The following CDYL variants were observed in gnomAD, a reference collection of about 807,000 sequenced individuals.
CDYL encodes the protein chromodomain Y-like protein.
In CDYL, 8 loss-of-function variants were observed where a neutral mutation model predicts 47.3. The ratio of observed to expected loss-of-function variants is 0.17; its 90% confidence interval spans 0.10 to 0.31. CDYL has a LOEUF of 0.31. CDYL is among the 10% of genes least tolerant of loss of function. CDYL has a pLI of 1.00. For synonymous variants in CDYL, 266 were observed against 265.0 expected, an observed-to-expected ratio of 1.00 and a Z score of -0.04; for missense variants, 471 against 701.4, an observed-to-expected ratio of 0.67 and a Z score of 3.71.
At chr6:4,815,324 G>A (rs1186734043) in intron 1 of CDYL, among the ~76,000 whole-genome samples, 1 of 152,016 alleles carries the variant, frequency 6.6e-6, no homozygotes, top group Non-Finnish European at 1.5e-5. Context: ...TTTAATTTTG[G>A]AACTTAAGAA....
intron 2 of CDYL, among the ~76,000 whole-genome samples, chr6:4,915,596 C>A (rs1757535350): frequency 6.6e-6 from 1 of 152,178 alleles, no homozygotes; most frequent in Non-Finnish European, 1.5e-5. Context: ...AGAACAGACT[C>A]TGTAGCAACC....
At chr6:4,842,676 C>T (rs562431652) in intron 1 of CDYL, among the ~76,000 whole-genome samples, 2 of 152,238 alleles carry the variant, frequency 1.3e-5, no homozygotes, top group South Asian at 4.1e-4. Flanking sequence ...TTAGGTGAGC[C>T]TCTTCACAAC....
At chr6:4,754,892 C>T (rs1328187363) in intron 3 of CDYL, among the ~76,000 whole-genome samples, 1 of 152,086 alleles carries the variant, frequency 6.6e-6, no homozygotes, top group Non-Finnish European at 1.5e-5. Flanking sequence ...GTAAGTAATA[C>T]ATGGTATGTG....
chr6:4,743,710 C>T (rs900734035), intron 3 of CDYL, among the ~76,000 whole-genome samples: 35 of 152,168 alleles, frequency 2.3e-4, no homozygotes, highest in African/African-American at 8.4e-4. Flanking sequence ...TATCATCCAA[C>T]TCATGGGTGT....
intron 1 of CDYL, among the ~76,000 whole-genome samples, chr6:4,863,117 A>G (rs1245787188): frequency 6.6e-6 from 1 of 152,194 alleles, no homozygotes; most frequent in African/African-American, 2.4e-5. Flanking sequence ...ATCAAATACC[A>G]CATTTTCACT....
At chr6:4,805,633 G>T (rs1358722102) in intron 1 of CDYL, among the ~76,000 whole-genome samples, 1 of 152,194 alleles carries the variant, frequency 6.6e-6, no homozygotes, top group Non-Finnish European at 1.5e-5. Flanking sequence ...GGGAGCCAGT[G>T]GCGTAAAGTC....
chr6:4,825,921 C>T lies in CDYL; in HGVS notation c.24+49114C>T, dbSNP rs376030661. ...TGAGACTGCCCATAACAACACACTG[C>T]CTTGTTTCAGCTGTGAGACCACCAG... On this transcript the variant is annotated intron_variant, in intron 1 of 6. Transcript: ENST00000397588. Among the ~76,000 whole-genome samples the T allele has an allele frequency of 4.6e-5, 7 of 151,738 alleles. No individual in the cohort carries two copies. The East Asian group carries it at 1.2e-3, about 25-fold the overall frequency.
chr6:4,767,100 T>C (rs1758266001), intron 3 of CDYL, among the ~76,000 whole-genome samples: 2 of 152,122 alleles, frequency 1.3e-5, no homozygotes, highest in African/African-American at 2.4e-5. Flanking sequence ...AATTTAGCCA[T>C]TTATGAAAAG....
rs369894683 is a variant in CDYL at position 4,804,987 on chromosome 6, T to G, written c.24+28180T>G. On this transcript the variant is annotated intron_variant, in intron 1 of 6. Transcript: ENST00000397588. The stretch of plus-strand genomic sequence containing the variant: ...AGAAGAAAGAGGGAGAAATTGTTCA[T>G]AGTAGCTGCATGGTTAACGGTGTTA... Among the ~76,000 whole-genome samples the G allele has an allele frequency of 3.9e-5, 6 of 152,174 alleles. No individual in the cohort carries two copies. In the East Asian group the frequency reaches 1.2e-3, roughly 29 times the overall value.
intron 2 of CDYL, among the ~76,000 whole-genome samples, chr6:4,720,339 T>G (rs1204520911): frequency 6.6e-6 from 1 of 152,228 alleles, no homozygotes; most frequent in African/African-American, 2.4e-5. Flanking sequence ...TCCAATAGTT[T>G]GATGTTTGGA....
chr6:4,946,980 C>T (rs1758541711), intron 5 of CDYL, among the ~76,000 whole-genome samples: 1 of 152,174 alleles, frequency 6.6e-6, no homozygotes, highest in African/African-American at 2.4e-5. Context: ...TCCTGGGAAC[C>T]TAGCAGGGCC....
At position 4,802,978 on chromosome 6, in the gene CDYL, T is replaced by C. The variant is rs201500632; in HGVS notation, c.24+26171T>C. 8.5e-5 allele frequency among the ~76,000 whole-genome samples: 13 copies of C among 152,282 alleles called. 1 individual carries two copies. The East Asian group carries it at 1.4e-3, about 16-fold the overall frequency. On this transcript the variant is annotated intron_variant, in intron 1 of 6. Transcript: ENST00000397588. ...CCCCATCCATCTGGGCTAGACCTTCTCTTTCCATTGCGTCCCCCACCCCAC... is the reference window on the plus strand; with the variant it reads ...CCCCATCCATCTGGGCTAGACCTTCCCTTTCCATTGCGTCCCCCACCCCAC...
At chr6:4,946,438 G>A (rs1758518281) in intron 5 of CDYL, among the ~76,000 whole-genome samples, 1 of 152,148 alleles carries the variant, frequency 6.6e-6, no homozygotes, top group South Asian at 2.1e-4. Flanking sequence ...GCTGGATGAG[G>A]CTCTGGTGAA....
intron 2 of CDYL, among the ~76,000 whole-genome samples, chr6:4,901,672 A>T (rs191445513): frequency 6.6e-6 from 1 of 152,316 alleles, no homozygotes; most frequent in East Asian, 1.9e-4. Context: ...TGTCACACTG[A>T]TAAGTGAATT....
intron 2 of CDYL, among the ~76,000 whole-genome samples, chr6:4,928,236 C>A (rs1228192203): frequency 6.6e-6 from 1 of 152,100 alleles, no homozygotes; most frequent in African/African-American, 2.4e-5. Flanking sequence ...AGAATGGTGG[C>A]ATCCCACCAC....
At chr6:4,779,814 A>AACC (rs1758562212) in intron 1 of CDYL, among the ~76,000 whole-genome samples, 1 of 152,324 alleles carries the variant, frequency 6.6e-6, no homozygotes, top group Admixed American at 6.5e-5. Flanking sequence ...TCTTTGTTGC[A>AACC]ACCACTCAGC....
chr6:4,953,784 T>C (rs1041390152), intron 6 of CDYL, 114 bp from the exon 7 acceptor site: 3 of 1,002,220 alleles, frequency 3.0e-6, no homozygotes, highest in Admixed American at 2.5e-5. Flanking sequence ...TCTGGTAACC[T>C]TTTTAACAGG....
intron 2 of CDYL, among the ~76,000 whole-genome samples, chr6:4,897,160 C>T (rs370500474): frequency 8.5e-5 from 13 of 152,196 alleles, no homozygotes; most frequent in African/African-American, 1.2e-4. Context: ...ACTGGATTAT[C>T]GTAACTTTGT....
intron 2 of CDYL, among the ~76,000 whole-genome samples, chr6:4,895,947 G>T (rs1762270757): frequency 6.6e-6 from 1 of 152,186 alleles, no homozygotes; most frequent in Non-Finnish European, 1.5e-5. Flanking sequence ...TTACCTTGTT[G>T]TGCGGAGTTG....
Sources: gnomAD v4.1 joint callset for allele counts (sites outside exome capture counted in the v4.1 genomes callset) on GRCh38, gnomAD v4.1.1 for gene constraint, MANE v1.5 for transcripts, NCBI Gene and HGNC (gene_info 2026-07-23, HGNC 2026-07-21) for gene names.